Variants in ZNF385C observed in about 807,000 individuals in gnomAD.
The protein encoded by ZNF385C is CTD-2132N18.2.
ZNF385C carries 28 observed loss-of-function variants against 35.4 expected under a neutral mutation model. The observed-to-expected ratio is 0.79, with a 90% confidence interval of 0.59 to 1.08. The LOEUF (loss-of-function observed/expected upper bound fraction) is 1.08, where lower values mean the gene tolerates loss of function less well. ZNF385C is among the 50% of genes least tolerant of loss of function. ZNF385C has a pLI of 0.00. For synonymous variants in ZNF385C, 248 were observed against 248.2 expected (o/e 1.00, Z 0.01); for missense variants, 605 against 595.6 (o/e 1.02, Z -0.16).
chr17:42,039,991 G>C (rs1352310376), intron 2 of ZNF385C: 2 of 1,230,972 alleles, frequency 1.6e-6, no homozygotes, highest in African/African-American at 3.1e-5. Context: ...CGCCAGCTGG[G>C]TGCACAGGGC....
rs139172849 is a variant in ZNF385C at position 42,045,850 on chromosome 17, C to T, written c.251-7965G>A. 1.7e-4 allele frequency among the ~76,000 whole-genome samples: 26 copies of T among 152,318 alleles called. No individual in the cohort carries two copies. In the South Asian group the frequency reaches 1.9e-3, roughly 11 times the overall value. ...TGATATCCCACTGCCTAAGTCTACA[C>T]ACCTAACCACAAGCCAGCAAGGCCC... On this transcript the variant is annotated intron_variant, in intron 2 of 8. Transcript: ENST00000692273.
chr17:42,069,043 T>C (rs2053587332), intron 1 of ZNF385C, among the ~76,000 whole-genome samples: 1 of 152,048 alleles, frequency 6.6e-6, no homozygotes, highest in Non-Finnish European at 1.5e-5. Flanking sequence ...TACCCATCCA[T>C]CTGTCTGTCT....
At chr17:42,047,005 G>A (rs1368569059) in intron 2 of ZNF385C, among the ~76,000 whole-genome samples, 1 of 150,014 alleles carries the variant, frequency 6.7e-6, no homozygotes, top group Non-Finnish European at 1.5e-5. Flanking sequence ...TGGGATTACA[G>A]GCACATGCCG....
chr17:42,035,185 C>T (rs974000307), intron 3 of ZNF385C, among the ~76,000 whole-genome samples: 2 of 146,784 alleles, frequency 1.4e-5, no homozygotes, highest in African/African-American at 2.5e-5. Context: ...AAGAAAAATA[C>T]ACAGCCTCTC....
At chr17:42,030,632 T>C (rs1304940995) in intron 5 of ZNF385C, among the ~76,000 whole-genome samples, 4 of 152,194 alleles carry the variant, frequency 2.6e-5, no homozygotes, top group Non-Finnish European at 5.9e-5. Flanking sequence ...AGAGGGGTTG[T>C]AGTTAGTTGA....
In ZNF385C at chr17:42,095,413, G is replaced by A. The variant is rs971218190; in HGVS notation, c.-3+2997C>T. On this transcript the variant is annotated intron_variant, in intron 1 of 8. Transcript: ENST00000692273. The surrounding 1 kb of genome is among the most constrained non-coding windows in gnomAD (Gnocchi z 4.4). Reference sequence around the variant, plus strand: ...GACACATGGGCCCTCCCGGGTGGCAGGCGCAGCTCCCTCTGAGAAGGGCAG... The same window carrying A: ...GACACATGGGCCCTCCCGGGTGGCAAGCGCAGCTCCCTCTGAGAAGGGCAG... 1.3e-5 allele frequency among the ~76,000 whole-genome samples: 2 copies of A among 152,228 alleles called. No individual in the cohort carries two copies. The highest frequency in any genetic ancestry group is 1.3e-4 in the Admixed American group (2 of 15,286).
chr17:42,073,218 C>T (rs1000911086), intron 1 of ZNF385C, among the ~76,000 whole-genome samples: 10 of 152,300 alleles, frequency 6.6e-5, no homozygotes, highest in Middle Eastern at 6.8e-3. Context: ...AGGCGGATCA[C>T]TTGAGGTCAG....
chr17:42,030,610 G>A (rs781845194), intron 5 of ZNF385C, among the ~76,000 whole-genome samples: 1 of 152,198 alleles, frequency 6.6e-6, no homozygotes, highest in Admixed American at 6.5e-5. Flanking sequence ...AGTCAGGATC[G>A]TATTTACCAT....
intron 8 of ZNF385C, among the ~76,000 whole-genome samples, 184 bp downstream of exon 8, chr17:42,027,434 A>G (rs1356430188): frequency 6.6e-6 from 1 of 151,716 alleles, no homozygotes; most frequent in African/African-American, 2.4e-5. Context: ...GACTATCCCA[A>G]CCCACCTCCC....
At chr17:42,080,486 AC>A (rs1239609812) in intron 1 of ZNF385C, among the ~76,000 whole-genome samples, 1 of 152,144 alleles carries the variant, frequency 6.6e-6, no homozygotes, top group African/African-American at 2.4e-5. Context: ...AATATGAGAA[AC>A]TAATCCTAAC....
Position 42,095,125 on chromosome 17 carries a change from C to G in ZNF385C, c.-3+3285G>C, listed in dbSNP as rs963921075. On this transcript the variant is annotated intron_variant, in intron 1 of 8. Coordinates refer to ENST00000692273, the MANE Select transcript of ZNF385C (RefSeq NM_001392013.1). This position sits in a 1 kb window ranked among gnomAD's most constrained non-coding sequence, Gnocchi z 4.4. ...GGATCCAGTTCCATTAAGAGCCTCA[C>G]GATGCTAATGAGGCCAACGTGGCAG... 6.6e-6 allele frequency among the ~76,000 whole-genome samples: 1 copy of G among 151,996 alleles called. No homozygotes were observed. Among genetic ancestry groups the G allele is most frequent in the African/African-American group, 2.4e-5 (1 of 41,348 alleles).
chr17:42,092,187 C>T (rs1482177403), intron 1 of ZNF385C, among the ~76,000 whole-genome samples: 7 of 152,080 alleles, frequency 4.6e-5, no homozygotes, highest in African/African-American at 1.7e-4. Context: ...ATCACCTGAG[C>T]TCAGGAGTTC....
At position 42,027,666 on chromosome 17, in the gene ZNF385C, C is replaced by A; in HGVS notation, c.1227G>T (p.Gln409His). ...LAGKTPKPSS[Q>H]HSKLQKHAAL... ...CTGCGTGCTTCTGCAGCTTGCTGTGCTGGCTGGAGGGCTTGGGGGTCTTCC... is the reference window on the plus strand; with the variant it reads ...CTGCGTGCTTCTGCAGCTTGCTGTGATGGCTGGAGGGCTTGGGGGTCTTCC... Residue 409 changes from glutamine (Q) to histidine (H), a missense_variant, in exon 8 of 9, where the codon CAG becomes CAT. By Grantham distance (24) the Gln-to-His change is conservative. Transcript: ENST00000692273. 6.2e-7 allele frequency: 1 copy of A among 1,604,182 alleles called. No homozygotes were observed. Among genetic ancestry groups the A allele is most frequent in the Non-Finnish European group, 8.5e-7 (1 of 1,174,858 alleles).
At chr17:42,051,821 C>A (rs990496356) in intron 2 of ZNF385C, among the ~76,000 whole-genome samples, 1 of 152,202 alleles carries the variant, frequency 6.6e-6, no homozygotes, top group Non-Finnish European at 1.5e-5. Context: ...GCCCCAGCAT[C>A]CTCCATGCAG....
chr17:42,085,832 C>T (rs1371539169), intron 1 of ZNF385C, among the ~76,000 whole-genome samples: 1 of 151,108 alleles, frequency 6.6e-6, no homozygotes, highest in Admixed American at 6.6e-5. Flanking sequence ...CTCCTGACCT[C>T]GTGATCCACC....
chr17:42,080,801 G>C (rs988126204), intron 1 of ZNF385C, among the ~76,000 whole-genome samples: 2 of 152,204 alleles, frequency 1.3e-5, no homozygotes, highest in East Asian at 3.8e-4. Flanking sequence ...GTGCCCCCCA[G>C]GCCCACTGGT....
rs181190891 is a variant in ZNF385C at position 42,027,547 on chromosome 17, C to A, written c.1275+71G>T. ...CTTTTCCTGCCCCACCGCAGCCCCC[C>A]CATCTGGCCCTCCCAGCCCACCCTC... On this transcript the variant is annotated intron_variant, in intron 8 of 8. Coordinates refer to ENST00000692273, the MANE Select transcript of ZNF385C (RefSeq NM_001392013.1). The A allele has an allele frequency of 1.1e-4, 78 of 736,284 alleles. 2 individuals carry two copies. In the Admixed American group the frequency reaches 1.6e-3, roughly 15 times the overall value. 45.6% of individuals were successfully genotyped at this position (736,284 alleles called of 1,614,324 possible). A position where few individuals can be genotyped will look rare whatever the true frequency, so the allele number is the denominator to read the frequency against.
intron 1 of ZNF385C, among the ~76,000 whole-genome samples, chr17:42,078,252 G>A (rs1452833938): frequency 2.0e-5 from 3 of 152,002 alleles, no homozygotes; most frequent in Middle Eastern, 3.2e-3. Context: ...GATTTTCTAC[G>A]CCTTCTGACT....
At chr17:42,071,631 C>T (rs564659258) in intron 1 of ZNF385C, among the ~76,000 whole-genome samples, 11 of 152,310 alleles carry the variant, frequency 7.2e-5, no homozygotes, top group African/African-American at 2.6e-4. Flanking sequence ...TACCCCCTGT[C>T]CTTGCCTCTG....
Sources: gnomAD v4.1 joint callset for allele counts (sites outside exome capture counted in the v4.1 genomes callset) on GRCh38, gnomAD v4.1.1 for gene constraint, Gnocchi (gnomAD v3.1) non-coding constraint, MANE v1.5 for transcripts, NCBI Gene and HGNC (gene_info 2026-07-23, HGNC 2026-07-21) for gene names.